SBF2: variants seen among roughly 807,000 people sequenced by gnomAD.
SBF2 encodes the protein myotubularin-related protein 13.
Under a neutral mutation model 225.2 loss-of-function variants are expected in SBF2, and 112 were observed. The observed-to-expected ratio is 0.50, with a 90% CI of 0.43 to 0.58. The LOEUF (loss-of-function observed/expected upper bound fraction) is 0.58. Among genes scored for constraint, SBF2 ranks in the 20% least tolerant of loss-of-function variants. The probability of loss-of-function intolerance (pLI) is 0.00; values close to 1 mark genes in which losing one functional copy is unlikely to be tolerated. For synonymous variants in SBF2, 763 were observed against 773.3 expected, an observed-to-expected ratio of 0.99 and a Z score of 0.22; for missense variants, 1,996 against 2,206.2, an observed-to-expected ratio of 0.90 and a Z score of 1.91.
intron 39 of SBF2, among the ~76,000 whole-genome samples, chr11:9,781,077 G>C (rs1002753201): frequency 6.6e-6 from 1 of 152,224 alleles, no homozygotes; most frequent in African/African-American, 2.4e-5. Flanking sequence ...CCTATAAAGT[G>C]CCCCATGGCC....
intron 16 of SBF2, among the ~76,000 whole-genome samples, chr11:9,951,887 AAGG>A (rs1432232606): frequency 1.3e-5 from 2 of 152,248 alleles, no homozygotes; most frequent in African/African-American, 4.8e-5. Flanking sequence ...CATTCCCTGA[AAGG>A]AGAAGTAAAT....
chr11:10,117,015 G>A (rs1217504353), intron 2 of SBF2, among the ~76,000 whole-genome samples: 3 of 152,144 alleles, frequency 2.0e-5, no homozygotes, highest in African/African-American at 7.2e-5. Flanking sequence ...TGTAAAGATA[G>A]AAAACTAAAT....
At chr11:10,242,680 G>A (rs755871408) in intron 1 of SBF2, among the ~76,000 whole-genome samples, 3 of 152,050 alleles carry the variant, frequency 2.0e-5, no homozygotes, top group Admixed American at 6.6e-5. Flanking sequence ...CCAAAAGAGA[G>A]CAAGGGTGAC....
intron 6 of SBF2, among the ~76,000 whole-genome samples, chr11:10,003,143 C>T (rs371978463): frequency 8.5e-5 from 13 of 152,212 alleles, no homozygotes; most frequent in Admixed American, 2.6e-4. Context: ...ACAAATGCTC[C>T]GCAATTTAAT....
At chr11:10,257,702 C>T (rs1405104773) in intron 1 of SBF2, among the ~76,000 whole-genome samples, 3 of 122,396 alleles carry the variant, frequency 2.5e-5, no homozygotes, top group Non-Finnish European at 3.4e-5. Context: ...AAATGCTGTA[C>T]TAAAAAGAGC....
chr11:9,942,847 CAAA>C (rs1865336783), intron 16 of SBF2, among the ~76,000 whole-genome samples: 1 of 86,226 alleles, frequency 1.2e-5, no homozygotes, highest in Non-Finnish European at 2.5e-5. Context: ...TCAAAAAAAA[CAAA>C]GAAAGAAAGG....
intron 1 of SBF2, among the ~76,000 whole-genome samples, chr11:10,231,213 A>G (rs558174120): frequency 6.6e-6 from 1 of 152,176 alleles, no homozygotes; most frequent in South Asian, 2.1e-4. Flanking sequence ...CCATTCATCT[A>G]ATGTTTTTCT....
chr11:10,070,620 T>C (rs1370050617), intron 2 of SBF2, among the ~76,000 whole-genome samples: 3 of 152,250 alleles, frequency 2.0e-5, no homozygotes, highest in South Asian at 2.1e-4. Context: ...TCATTTTGCT[T>C]AGAATTGTCT....
At position 9,805,577 on chromosome 11, in the gene SBF2, G is replaced by A. The variant is rs554974526; in HGVS notation, c.4443+2423C>T. 4.7e-4 allele frequency among the ~76,000 whole-genome samples: 72 copies of A among 152,154 alleles called. No individual in the cohort carries two copies. The East Asian group carries it at 7.5e-3, about 16-fold the overall frequency. ...GGAGGGGAATAAAAGGATTGTATCT[G>A]AGCTTTTGGAAGATTATGCCAGCAA... On this transcript the variant is annotated intron_variant, in intron 32 of 39. Coordinates refer to ENST00000256190, the MANE Select transcript of SBF2 (RefSeq NM_030962.4).
At chr11:10,192,650 T>C (rs1957219676) in intron 2 of SBF2, among the ~76,000 whole-genome samples, 1 of 152,192 alleles carries the variant, frequency 6.6e-6, no homozygotes, top group Non-Finnish European at 1.5e-5. Flanking sequence ...ATAATCATTA[T>C]CCTCATTTTA....
At chr11:10,209,018 G>C (rs535876559) in intron 1 of SBF2, among the ~76,000 whole-genome samples, 1 of 152,158 alleles carries the variant, frequency 6.6e-6, no homozygotes, top group Non-Finnish European at 1.5e-5. Flanking sequence ...AACAGCAAAG[G>C]CTATTATGTT....
chr11:10,181,875 A>G (rs1956749421), intron 2 of SBF2, among the ~76,000 whole-genome samples: 1 of 152,166 alleles, frequency 6.6e-6, no homozygotes, highest in African/African-American at 2.4e-5. Flanking sequence ...GTTCTCAAAG[A>G]CTAAAAAACT....
chr11:9,781,585 C>G lies in SBF2; in HGVS notation c.5373G>C (p.Leu1791=). 1 of 1,614,244 alleles carries G rather than the reference C, an allele frequency of 6.2e-7. No individual in the cohort carries two copies. Among genetic ancestry groups the G allele is most frequent in the South Asian group, 1.1e-5 (1 of 91,084 alleles). The change falls in exon 39 of 40, where the codon CTG becomes CTC. Residue 1791 remains leucine, a synonymous_variant. Coordinates refer to ENST00000256190, the MANE Select transcript of SBF2 (RefSeq NM_030962.4). ...EDTSCKGHID[L]AEVEMVIPAG... Reference sequence around the variant, plus strand: ...CAGGGATGACCATTTCTACTTCAGCCAGATCAATGTGGCCTTTACAGCTTG... The same window carrying G: ...CAGGGATGACCATTTCTACTTCAGCGAGATCAATGTGGCCTTTACAGCTTG...
At chr11:9,948,861 A>G (rs1865704929) in intron 16 of SBF2, among the ~76,000 whole-genome samples, 1 of 152,214 alleles carries the variant, frequency 6.6e-6, no homozygotes, top group Admixed American at 6.5e-5. Context: ...ATATCTGTGA[A>G]AAACTTGGCT....
chr11:9,920,289 A>G (rs1863513989), intron 16 of SBF2, among the ~76,000 whole-genome samples: 1 of 151,788 alleles, frequency 6.6e-6, no homozygotes, highest in South Asian at 2.1e-4. Flanking sequence ...AACAGGCAGA[A>G]TTGGGAAGGG....
chr11:10,207,292 A>C (rs1452522210), intron 1 of SBF2, among the ~76,000 whole-genome samples: 2 of 152,090 alleles, frequency 1.3e-5, no homozygotes, highest in Non-Finnish European at 2.9e-5. Context: ...TGGACCAAAA[A>C]AAACAAAGCA....
intron 1 of SBF2, among the ~76,000 whole-genome samples, chr11:10,266,263 G>A (rs2957657): frequency 0.13 from 19,153 of 152,114 alleles, 1,370 homozygotes; most frequent in African/African-American, 0.15. Context: ...CCAGTCAATC[G>A]CCATGCTACC....
intron 1 of SBF2, among the ~76,000 whole-genome samples, chr11:10,283,045 CCATA>C (rs1385992658): frequency 2.0e-5 from 3 of 152,158 alleles, no homozygotes; most frequent in Non-Finnish European, 4.4e-5. Context: ...TTTATGCATA[CCATA>C]CAAATTGGTT....
At chr11:10,298,647 C>T (rs143897425), upstream of SBF2, among the ~76,000 whole-genome samples, 200 of 152,320 alleles carry the variant, frequency 1.3e-3, no homozygotes, top group Middle Eastern at 6.8e-3. Context: ...GGAGACTATG[C>T]AGCTGTGGTG....
Sources: allele counts gnomAD v4.1 joint callset (sites outside exome capture counted in the v4.1 genomes callset), GRCh38; gene constraint gnomAD v4.1.1; transcripts MANE v1.5; gene names NCBI Gene and HGNC (gene_info 2026-07-23, HGNC 2026-07-21).